LRP8: variants seen among roughly 807,000 people sequenced by gnomAD.
LRP8 encodes the protein LDL receptor related protein 8.
LRP8 carries 46 observed loss-of-function variants against 111.6 expected under a neutral mutation model. The observed-to-expected ratio is 0.41, with a 90% confidence interval of 0.33 to 0.53. The LOEUF (loss-of-function observed/expected upper bound fraction) is 0.53, where lower values mean the gene tolerates loss of function less well. Ranked by LOEUF, LRP8 falls within the 20% of genes least tolerant of loss-of-function variation. The pLI is 0.20. For missense variants in LRP8, 959 were observed against 1,297.4 expected (o/e 0.74, Z 4.01); for synonymous variants, 464 against 511.2 (o/e 0.91, Z 1.24).
intron 15 of LRP8, among the ~76,000 whole-genome samples, chr1:53,256,719 G>A (rs1163614960): frequency 2.0e-5 from 3 of 152,218 alleles, no homozygotes; most frequent in African/African-American, 7.2e-5. Context: ...AATAAGTGGT[G>A]AACTTAATTA....
At position 53,266,485 on chromosome 1, in the gene LRP8, C is replaced by T. The variant is rs140949391; in HGVS notation, c.1415G>A (p.Arg472His). The T allele has an allele frequency of 4.5e-5, 73 of 1,614,122 alleles. No homozygotes were observed. The highest frequency in any genetic ancestry group is 1.7e-4 in the Admixed American group (10 of 60,022). The change falls in exon 9 of 19, where the codon CGT becomes CAT. Residue 472 changes from arginine (R) to histidine (H), a missense_variant. Physicochemically the swap from Arg to His is conservative, Grantham distance 29. Coordinates refer to ENST00000306052, the MANE Select transcript of LRP8 (RefSeq NM_004631.5). This position sits in a 1 kb window ranked among gnomAD's most constrained non-coding sequence, Gnocchi z 5.0. ...NRIYWCDLSYRKIYSAYMDKA... is the reference protein window; with the variant it reads ...NRIYWCDLSYHKIYSAYMDKA... ...TATGGCCGCTCACCTATAGATCTTA[C>T]GGTAGGAGAGGTCACACCAGTAGAT... is the stretch of plus-strand genomic sequence containing the variant.
At chr1:53,282,700 G>A (rs571545325) in intron 3 of LRP8, among the ~76,000 whole-genome samples, 5 of 152,246 alleles carry the variant, frequency 3.3e-5, no homozygotes, top group African/African-American at 1.2e-4. Context: ...CAGAGCCTAG[G>A]GATCTGCATT....
In LRP8 at chr1:53,317,119, G is replaced by T. The variant is rs1178996274; in HGVS notation, c.244+9754C>A. Among the ~76,000 whole-genome samples, 1 of 150,652 alleles carries T rather than the reference G, an allele frequency of 6.6e-6. No individual in the cohort carries two copies. Among genetic ancestry groups the T allele is most frequent in the Non-Finnish European group, 1.5e-5 (1 of 67,564 alleles). On this transcript the variant is annotated intron_variant, in intron 2 of 18. Transcript: ENST00000306052. This position sits in a 1 kb window ranked among gnomAD's most constrained non-coding sequence, Gnocchi z 4.9. ...GCCCATGGCCGAGAAAGGGCTCTGA[G>T]AGTGTAGGGCAGCAGATGGCGGCTC...
At chr1:53,289,422 A>G (rs1648210411) in intron 3 of LRP8, 145 bp downstream of exon 3, 23 of 1,142,806 alleles carry the variant, frequency 2.0e-5, no homozygotes, top group Non-Finnish European at 2.6e-5. Context: ...ACCAGCAACT[A>G]AATATATCTG....
chr1:53,311,907 G>T (rs767879600), intron 2 of LRP8, among the ~76,000 whole-genome samples: 1 of 152,230 alleles, frequency 6.6e-6, no homozygotes, highest in African/African-American at 2.4e-5. Flanking sequence ...CCTCCCAAGG[G>T]CCACCATGAG....
intron 16 of LRP8, among the ~76,000 whole-genome samples, chr1:53,251,798 CTG>C (rs1282047359): frequency 6.6e-6 from 1 of 151,904 alleles, no homozygotes; most frequent in Non-Finnish European, 1.5e-5. Context: ...AATCCCAACA[CTG>C]TGGGAGGCTG....
rs754346002 is a variant in LRP8 at position 53,264,369 on chromosome 1, C to T, written c.1455G>A (p.Pro485=). The T allele has an allele frequency of 1.1e-5, 18 of 1,613,820 alleles. No homozygotes were observed. Among genetic ancestry groups the T allele is most frequent in the East Asian group, 4.5e-5 (2 of 44,898 alleles). Residue 485 remains proline, a synonymous_variant, in exon 10 of 19, where the codon CCG becomes CCA. Transcript: ENST00000306052. ...CGTCAATGAGGACCTCCTGCTCTTT[C>T]GGGTCACTGGCCTTGTCCATGTAGG... The part of the protein sequence containing the change: ...YSAYMDKASD[P]KEQEVLIDEQ...
chr1:53,255,225 T>C, intron 15 of LRP8, 40 bp from the exon 16 acceptor site: 2 of 1,591,210 alleles, frequency 1.3e-6, no homozygotes, highest in Non-Finnish European at 1.7e-6. Context: ...GCTCTATCAC[T>C]GTGTGTCCAA....
At position 53,266,876 on chromosome 1, in the gene LRP8, A is replaced by C; in HGVS notation, c.1253-229T>G. On this transcript the variant is annotated intron_variant, in intron 8 of 18. Coordinates refer to ENST00000306052, the MANE Select transcript of LRP8 (RefSeq NM_004631.5). This position sits in a 1 kb window ranked among gnomAD's most constrained non-coding sequence, Gnocchi z 5.0. ...ATTCTTATTCTTTTTATTAGATACAAACTTCTCCAAAATCTTTTATGGCTC... is the reference window on the plus strand; with the variant it reads ...ATTCTTATTCTTTTTATTAGATACACACTTCTCCAAAATCTTTTATGGCTC... 4 of 497,130 alleles carry C rather than the reference A, an allele frequency of 8.0e-6. No individual in the cohort carries two copies. The highest frequency in any genetic ancestry group is 3.6e-6 in the Non-Finnish European group (1 of 275,162). 30.8% of individuals were successfully genotyped at this position (497,130 alleles called of 1,614,324 possible).
At position 53,303,879 on chromosome 1, in the gene LRP8, T is replaced by C. The variant is rs1557843316; in HGVS notation, c.245-14190A>G. ...GCTGGAGGCTGAACACGTTCCTTCC[T>C]CTTGAACGGGGAGGGAAATAAGCTC... is the stretch of plus-strand genomic sequence containing the variant. On this transcript the variant is annotated intron_variant, in intron 2 of 18. Transcript: ENST00000306052. The surrounding 1 kb of genome is among the most constrained non-coding windows in gnomAD (Gnocchi z 4.3). Among the ~76,000 whole-genome samples the C allele has an allele frequency of 6.6e-6, 1 of 152,162 alleles. No homozygotes were observed. The highest frequency in any genetic ancestry group is 1.5e-5 in the Non-Finnish European group (1 of 68,042).
chr1:53,314,355 C>T (rs1206208674), intron 2 of LRP8, among the ~76,000 whole-genome samples: 7 of 152,220 alleles, frequency 4.6e-5, no homozygotes, highest in Admixed American at 6.5e-5. Context: ...CGAATGTGCA[C>T]GCCACCAGGC....
chr1:53,290,896 T>C (rs973510538), intron 2 of LRP8, among the ~76,000 whole-genome samples: 3 of 152,074 alleles, frequency 2.0e-5, no homozygotes, highest in African/African-American at 7.2e-5. Context: ...ACCCCTGACA[T>C]CCTGCACCCT....
chr1:53,245,007 T>G lies in LRP8; in HGVS notation c.*2011A>C, dbSNP rs888445671. On this transcript the variant is annotated 3_prime_UTR_variant, in exon 19 of 19. Coordinates refer to ENST00000306052, the MANE Select transcript of LRP8 (RefSeq NM_004631.5). ...TGAATGTTTCAGGACTATCAACACA[T>G]GCATGTCATGAGGAGATTGCTGGAT... 6.6e-6 allele frequency: 1 copy of G among 152,212 alleles called. No individual in the cohort carries two copies. Among genetic ancestry groups the G allele is most frequent in the African/African-American group, 2.4e-5 (1 of 41,446 alleles). The allele number at this position is 152,212 out of a possible 1,614,324, so 9.4% of individuals were successfully genotyped here. A position where few individuals can be genotyped will look rare whatever the true frequency, so the allele number is the denominator to read the frequency against.
chr1:53,272,126 A>T (rs1003924856), intron 6 of LRP8, among the ~76,000 whole-genome samples: 4 of 151,868 alleles, frequency 2.6e-5, no homozygotes, highest in Non-Finnish European at 5.9e-5. Flanking sequence ...GCCATTGCTA[A>T]ATCAATTCTC....
chr1:53,326,417 G>A (rs1260500472), intron 2 of LRP8, among the ~76,000 whole-genome samples: 1 of 152,232 alleles, frequency 6.6e-6, no homozygotes, highest in Non-Finnish European at 1.5e-5. Flanking sequence ...GGGGCCCTGG[G>A]GAGCCCATTC....
rs755974198 is a variant in LRP8, at chr1:53,262,539, C to T, written c.1681G>A (p.Asp561Asn). 2 of 1,613,882 alleles carry T rather than the reference C, an allele frequency of 1.2e-6. No homozygotes were observed. The highest frequency in any genetic ancestry group is 2.7e-5 in the African/African-American group (2 of 74,898). Residue 561 changes from aspartate to asparagine, a missense_variant, in exon 11 of 19, where the codon GAC becomes AAC. Asp to Asn is a conservative substitution (Grantham distance 23). Transcript: ENST00000306052. The surrounding 1 kb of genome is among the most constrained non-coding windows in gnomAD (Gnocchi z 4.8). ...CCAGATTTCTCAATCTTGGCCTGGT[C>T]CCCCCAGTCAGACCAATACATGAAC... Reference protein sequence around the residue: ...RGFMYWSDWGDQAKIEKSGLN... With the variant: ...RGFMYWSDWGNQAKIEKSGLN...
At chr1:53,299,646 G>T (rs1557834444) in intron 2 of LRP8, among the ~76,000 whole-genome samples, 1 of 152,208 alleles carries the variant, frequency 6.6e-6, no homozygotes, top group Non-Finnish European at 1.5e-5. Flanking sequence ...CCCAGCAGAA[G>T]GTCTGCAGGT....
intron 3 of LRP8, among the ~76,000 whole-genome samples, chr1:53,286,966 G>T (rs1647656452): frequency 6.6e-6 from 1 of 152,236 alleles, no homozygotes; most frequent in Admixed American, 6.5e-5. Context: ...TTTTACAGAT[G>T]AGTAAACTGA....
intron 2 of LRP8, among the ~76,000 whole-genome samples, chr1:53,320,571 A>G (rs865946052): frequency 6.6e-6 from 1 of 152,228 alleles, no homozygotes; most frequent in African/African-American, 2.4e-5. Flanking sequence ...CATCACTATC[A>G]TCAGGTTCTC....
Sources: gnomAD v4.1 joint callset for allele counts (sites outside exome capture counted in the v4.1 genomes callset) on GRCh38, gnomAD v4.1.1 for gene constraint, Gnocchi (gnomAD v3.1) non-coding constraint, MANE v1.5 for transcripts, NCBI Gene and HGNC (gene_info 2026-07-23, HGNC 2026-07-21) for gene names.